Variants in PDHB observed in about 807,000 individuals in gnomAD.
PDHB encodes pyruvate dehydrogenase E1 component subunit beta, mitochondrial.
Under a neutral mutation model 42.8 loss-of-function variants are expected in PDHB, and 17 were observed. That is an observed-to-expected ratio of 0.40 (90% CI 0.27 to 0.60). The LOEUF (loss-of-function observed/expected upper bound fraction) is 0.60, where lower values mean the gene tolerates loss of function less well. Among genes scored for constraint, PDHB ranks in the 20% least tolerant of loss-of-function variants. The pLI, the probability that PDHB is intolerant of heterozygous loss-of-function variation, is 0.46. For synonymous variants in PDHB, 154 were observed against 148.7 expected (o/e 1.04, Z -0.26); for missense variants, 322 against 451.3 (o/e 0.71, Z 2.60).
At position 58,430,900 on chromosome 3, in the gene PDHB, A is replaced by G. The variant is rs1180148037; in HGVS notation, c.346T>C (p.Ser116Pro). 6.2e-7 allele frequency: 1 copy of G among 1,614,232 alleles called. No homozygotes were observed. The highest frequency in any genetic ancestry group is 1.1e-5 in the South Asian group (1 of 91,090). The change falls in exon 6 of 10, where the codon TCC (serine) becomes CCC (proline). Residue 116 changes from serine to proline, a missense_variant. Coordinates refer to ENST00000302746, the MANE Select transcript of PDHB (RefSeq NM_000925.4). The stretch of plus-strand genomic sequence containing the variant: ...ATAACCTGGTCAATGGCTTGCATGG[A>G]GAAATTGAAGGTCATAAATTCACAA... ...PICEFMTFNF[S>P]MQAIDQVINS... is the part of the protein sequence containing the mutation.
At position 58,431,166 on chromosome 3, in the gene PDHB, G is replaced by A. The variant is rs1389009802; in HGVS notation, c.304-224C>T. 6 of 579,548 alleles carry A rather than the reference G, an allele frequency of 1.0e-5. No homozygotes were observed. Among genetic ancestry groups the A allele is most frequent in the Middle Eastern group, 4.7e-4 (1 of 2,142 alleles). 35.9% of individuals were successfully genotyped at this position (579,548 alleles called of 1,614,324 possible). A position where few individuals can be genotyped will look rare whatever the true frequency, so the allele number is the denominator to read the frequency against. Reference sequence around the variant, plus strand: ...TCAAGTAATCCTTCCTCAGCATCCCGAGTAGCTGGGACTGCAGGCAAGCAC... The same window carrying A: ...TCAAGTAATCCTTCCTCAGCATCCCAAGTAGCTGGGACTGCAGGCAAGCAC... On this transcript the variant is annotated intron_variant, in intron 5 of 9. Transcript: ENST00000302746. This position sits in a 1 kb window ranked among gnomAD's most constrained non-coding sequence, Gnocchi z 4.4.
intron 2 of PDHB, chr3:58,432,253 T>G (rs779360337): frequency 1.9e-5 from 9 of 466,094 alleles, no homozygotes; most frequent in Non-Finnish European, 3.5e-5. Flanking sequence ...TTTAATATAA[T>G]GAATGGTAAA....
intron 1 of PDHB, 32 bp from the exon 2 acceptor site, chr3:58,433,716 CGCAGGGTGG>C: frequency 6.2e-7 from 1 of 1,612,492 alleles, no homozygotes; most frequent in East Asian, 2.2e-5. Context: ...GACGGCGGGA[CGCAGGGTGG>C]GCAGGGGTCG....
In PDHB at chr3:58,433,654, A is replaced by C. The variant is rs1275407768; in HGVS notation, c.73T>G (p.Trp25Gly). Reference protein sequence around the residue: ...VSGLLKRRFHWTAPAALQVTV... With the variant: ...VSGLLKRRFHGTAPAALQVTV... ...ACCTGCAGCGCAGCCGGCGCGGTCCAGTGAAAGCGCCTCTTCAGCAGCCCG... is the reference window on the plus strand; with the variant it reads ...ACCTGCAGCGCAGCCGGCGCGGTCCCGTGAAAGCGCCTCTTCAGCAGCCCG... The change falls in exon 2 of 10, where the codon TGG becomes GGG. Residue 25 changes from tryptophan to glycine, a missense_variant. By Grantham distance (184) the Trp-to-Gly change is radical. Transcript: ENST00000302746. 2 of 1,612,456 alleles carry C rather than the reference A, an allele frequency of 1.2e-6. No individual in the cohort carries two copies. Among genetic ancestry groups the C allele is most frequent in the Non-Finnish European group, 1.7e-6 (2 of 1,179,614 alleles).
At chr3:58,429,946 A>C (rs1305630733) in intron 7 of PDHB, 147 bp from the exon 8 acceptor site, 4 of 738,330 alleles carry the variant, frequency 5.4e-6, no homozygotes, top group Non-Finnish European at 9.8e-6. Flanking sequence ...GCCTTCCTAG[A>C]AATGAAACAC....
chr3:58,432,350 A>G, intron 2 of PDHB: 1 of 335,004 alleles, frequency 3.0e-6, no homozygotes, highest in Admixed American at 4.5e-5. Flanking sequence ...AATTGAAAGC[A>G]GGGATTCAAG....
At chr3:58,429,561 G>A in intron 8 of PDHB, 147 bp downstream of exon 8, 1 of 702,786 alleles carries the variant, frequency 1.4e-6, no homozygotes, top group African/African-American at 1.7e-5. Flanking sequence ...TATGTGAACT[G>A]CAGGCAGGTT....
In PDHB at chr3:58,431,863, T is replaced by C. The variant is rs189772994; in HGVS notation, c.204+14A>G. On this transcript the variant is annotated intron_variant, in intron 3 of 9. Coordinates refer to ENST00000302746, the MANE Select transcript of PDHB (RefSeq NM_000925.4). The surrounding 1 kb of genome is among the most constrained non-coding windows in gnomAD (Gnocchi z 4.4). Reference sequence around the variant, plus strand: ...TGACCTCAATTTTGTATAACTTTCATATATTTTAGTTACCTTGTATGCCCC... The same window carrying C: ...TGACCTCAATTTTGTATAACTTTCACATATTTTAGTTACCTTGTATGCCCC... The C allele has an allele frequency of 1.2e-6, 2 of 1,607,632 alleles. No individual in the cohort carries two copies. The highest frequency in any genetic ancestry group is 2.2e-5 in the East Asian group (1 of 44,850).
Position 58,431,927 on chromosome 3 carries a change from T to G in PDHB, c.154A>C (p.Lys52Gln). ...GMDEELERDE[K>Q]VFLLGEEVAQ... Reference sequence around the variant, plus strand: ...ACTTCTTCTCCAAGCAGAAATACCTTCTCATCTCTTTCCAGCTCCTCATCC... The same window carrying G: ...ACTTCTTCTCCAAGCAGAAATACCTGCTCATCTCTTTCCAGCTCCTCATCC... The change falls in exon 3 of 10, where the codon AAG becomes CAG. Residue 52 changes from lysine (K) to glutamine (Q), a missense_variant. Lys to Gln is a moderately conservative substitution (Grantham distance 53). This residue lies in a region of PDHB where 56 missense variants were observed against 124.2 expected (regional missense o/e 0.45). Coordinates refer to ENST00000302746, the MANE Select transcript of PDHB (RefSeq NM_000925.4). This position sits in a 1 kb window ranked among gnomAD's most constrained non-coding sequence, Gnocchi z 4.4. The G allele has an allele frequency of 6.2e-7, 1 of 1,614,046 alleles. No homozygotes were observed. The highest frequency in any genetic ancestry group is 2.2e-5 in the East Asian group (1 of 44,878).
chr3:58,432,033 A>T (rs1482018459), intron 2 of PDHB, 49 bp from the exon 3 acceptor site: 29 of 1,317,678 alleles, frequency 2.2e-5, no homozygotes, highest in Non-Finnish European at 2.9e-5. Flanking sequence ...TTGGGATTCA[A>T]CTAAGATTTT....
chr3:58,431,580 G>A lies in PDHB; in HGVS notation c.303+13C>T. 6.3e-7 allele frequency: 1 copy of A among 1,579,466 alleles called. No individual in the cohort carries two copies. On this transcript the variant is annotated intron_variant, in intron 5 of 9. Transcript: ENST00000302746. The surrounding 1 kb of genome is among the most constrained non-coding windows in gnomAD (Gnocchi z 4.4). The stretch of plus-strand genomic sequence containing the variant: ...AATGTCTTTGGATAAGTTTCATAAA[G>A]AGTATTACATACCATAGCTGCACCT...
At chr3:58,430,085 G>C (rs764583964) in intron 7 of PDHB, 43 bp downstream of exon 7, 2 of 1,187,314 alleles carry the variant, frequency 1.7e-6, no homozygotes, top group Non-Finnish European at 2.5e-6. Flanking sequence ...CAAAATTGAG[G>C]GGCTGGATTA....
Position 58,429,793 on chromosome 3 carries a change from T to C in PDHB, c.707A>G (p.His236Arg). 2 of 1,600,190 alleles carry C rather than the reference T, an allele frequency of 1.2e-6. No homozygotes were observed. Among genetic ancestry groups the C allele is most frequent in the Non-Finnish European group, 8.6e-7 (1 of 1,167,240 alleles). The change falls in exon 8 of 10, where the codon CAT becomes CGT. Residue 236 changes from histidine to arginine, a missense_variant. Transcript: ENST00000302746. ...GKAKIERQGT[H>R]ITVVSHSRPV... ...TCTTGAATGGGAAACCACAGTTATATGTGTTCCTGAAAACAGAGTGGTCAC... is the reference window on the plus strand; with the variant it reads ...TCTTGAATGGGAAACCACAGTTATACGTGTTCCTGAAAACAGAGTGGTCAC...
chr3:58,430,823 A>C lies in PDHB; in HGVS notation c.423T>G (p.Pro141=), dbSNP rs2062913348. ...YYMSGGLQPV[P]IVFRGPNGAS... is the part of the protein sequence containing the mutation. ...CACCATTGGGCCCTCTGAAGACTATAGGCACAGGCTGAAGGCCACCAGACA... is the reference window on the plus strand; with the variant it reads ...CACCATTGGGCCCTCTGAAGACTATCGGCACAGGCTGAAGGCCACCAGACA... The change falls in exon 6 of 10, where the codon CCT becomes CCG. Residue 141 remains proline (P), a synonymous_variant. Transcript: ENST00000302746. The C allele has an allele frequency of 6.2e-7, 1 of 1,614,062 alleles. No homozygotes were observed. Among genetic ancestry groups the C allele is most frequent in the Non-Finnish European group, 8.5e-7 (1 of 1,179,998 alleles).
intron 7 of PDHB, 60 bp downstream of exon 7, chr3:58,430,068 A>G: frequency 1.9e-6 from 2 of 1,073,686 alleles, no homozygotes; most frequent in Non-Finnish European, 2.9e-6. Context: ...TCTAGATTAA[A>G]TTTTACCAAA....
chr3:58,429,493 A>T (rs1193487596), intron 8 of PDHB, among the ~76,000 whole-genome samples: 1 of 151,848 alleles, frequency 6.6e-6, no homozygotes, highest in Non-Finnish European at 1.5e-5. Flanking sequence ...GAGAGCTCCC[A>T]CTGTCTCTCA....
Position 58,433,686 on chromosome 3 carries a change from T to C in PDHB, c.43-2A>G. On this transcript the variant is annotated splice_acceptor_variant, in intron 1 of 9. Coordinates refer to ENST00000302746, the MANE Select transcript of PDHB (RefSeq NM_000925.4). LOFTEE classifies it high-confidence loss of function. ...GCGCCTCTTCAGCAGCCCGGAGACC[T>C]GGCAGGGAGAGAGGAAGATGACGGC... The C allele has an allele frequency of 6.2e-7, 1 of 1,612,788 alleles. No individual in the cohort carries two copies. Among genetic ancestry groups the C allele is most frequent in the South Asian group, 1.1e-5 (1 of 90,836 alleles).
chr3:58,433,587 G>C (rs746733180), intron 2 of PDHB, 44 bp downstream of exon 2: 5 of 1,577,320 alleles, frequency 3.2e-6, no homozygotes, highest in Admixed American at 1.8e-5. Context: ...GAGAGAAGGG[G>C]GGACCCTCCC....
chr3:58,428,800 T>C, intron 8 of PDHB, 186 bp from the exon 9 acceptor site: 8 of 610,762 alleles, frequency 1.3e-5, no homozygotes, highest in South Asian at 4.0e-5. Context: ...AACAAAGATC[T>C]GTATGTCTAC....
Sources: gnomAD v4.1 joint callset for allele counts (sites outside exome capture counted in the v4.1 genomes callset) on GRCh38, gnomAD v4.1.1 for gene constraint, gnomAD v4.1.1 regional missense constraint, Gnocchi (gnomAD v3.1) non-coding constraint, MANE v1.5 for transcripts, NCBI Gene and HGNC (gene_info 2026-07-23, HGNC 2026-07-21) for gene names.